SFT2D1: variants seen among roughly 807,000 people sequenced by gnomAD.
The protein encoded by SFT2D1 is vesicle transport protein SFT2A.
In SFT2D1, 24 loss-of-function variants were observed where a neutral mutation model predicts 28.1. The ratio of observed to expected loss-of-function variants is 0.85; its 90% CI spans 0.62 to 1.20. The LOEUF (loss-of-function observed/expected upper bound fraction) is 1.20, where lower values mean the gene tolerates loss of function less well. SFT2D1 is among the 50% of genes most tolerant of loss of function. The probability of loss-of-function intolerance (pLI) is 0.00; values close to 1 mark genes in which losing one functional copy is unlikely to be tolerated. For synonymous variants in SFT2D1, 82 were observed against 73.7 expected, an observed-to-expected ratio of 1.11 and a Z score of -0.58; for missense variants, 181 against 190.9, an observed-to-expected ratio of 0.95 and a Z score of 0.31.
intron 1 of SFT2D1, among the ~76,000 whole-genome samples, chr6:166,333,807 T>A (rs1346946328): frequency 6.6e-6 from 1 of 152,186 alleles, no homozygotes; most frequent in Non-Finnish European, 1.5e-5. Context: ...CTCCACTTCC[T>A]GCCCCACACT....
chr6:166,342,523 GC>G lies in SFT2D1; in HGVS notation c.-43del. 6.8e-7 allele frequency: 1 copy of G among 1,479,508 alleles called. No individual in the cohort carries two copies. The highest frequency in any genetic ancestry group is 9.2e-7 in the Non-Finnish European group (1 of 1,086,192). 91.6% of individuals were successfully genotyped at this position (1,479,508 alleles called of 1,614,324 possible). ...CGTAGCGGCCGCCACTCTGTTGCCT[GC>G]CCCTGACGCCCACCAGGAAACCCCG... On this transcript the variant is annotated 5_prime_UTR_variant, in exon 1 of 8. Coordinates refer to ENST00000361731, the MANE Select transcript of SFT2D1 (RefSeq NM_145169.3).
rs114051462 is a variant in SFT2D1 at position 166,324,512 on chromosome 6, T to C, written c.410+25A>G. On this transcript the variant is annotated intron_variant, in intron 6 of 7. Coordinates refer to ENST00000361731, the MANE Select transcript of SFT2D1 (RefSeq NM_145169.3). Reference sequence around the variant, plus strand: ...GTCACGTCTCAGGCAATTTTAACACTTCACTAGGGTAAGGAAAGACTTACC... The same window carrying C: ...GTCACGTCTCAGGCAATTTTAACACCTCACTAGGGTAAGGAAAGACTTACC... 1,231 of 1,600,868 alleles carry C rather than the reference T, an allele frequency of 7.7e-4. 7 individuals carry two copies. In the African/African-American group the frequency reaches 0.012, roughly 15 times the overall value.
intron 7 of SFT2D1, 31 bp downstream of exon 7, chr6:166,322,826 C>A: frequency 1.3e-6 from 2 of 1,582,888 alleles, no homozygotes; most frequent in Non-Finnish European, 1.7e-6. Context: ...AGTAAAGAAC[C>A]AGAAAGAAGA....
At chr6:166,324,128 A>C (rs1224979249) in intron 6 of SFT2D1, 2 of 160,776 alleles carry the variant, frequency 1.2e-5, no homozygotes, top group African/African-American at 4.8e-5. Context: ...ACAGGGCCAC[A>C]GAGTCAACAT....
chr6:166,334,964 A>C, intron 1 of SFT2D1: 1 of 470,468 alleles, frequency 2.1e-6, no homozygotes, highest in East Asian at 4.9e-5. Context: ...GTATGGAAAA[A>C]CTGAAGTGAC....
chr6:166,330,642 C>T (rs1304065986), intron 1 of SFT2D1, among the ~76,000 whole-genome samples: 1 of 152,210 alleles, frequency 6.6e-6, no homozygotes, highest in African/African-American at 2.4e-5. Flanking sequence ...AAAGAGTACA[C>T]AGGTTCATTA....
intron 1 of SFT2D1, among the ~76,000 whole-genome samples, chr6:166,341,204 G>C (rs1778772697): frequency 6.6e-6 from 1 of 152,100 alleles, no homozygotes; most frequent in Non-Finnish European, 1.5e-5. Flanking sequence ...CAAGCACTTT[G>C]GGAGGTCAAG....
chr6:166,329,774 G>C (rs1404761530), intron 2 of SFT2D1, among the ~76,000 whole-genome samples, 185 bp from the exon 3 acceptor site: 1 of 152,120 alleles, frequency 6.6e-6, no homozygotes, highest in Non-Finnish European at 1.5e-5. Context: ...ACACTAACTT[G>C]AATCTTCTTC....
chr6:166,329,497 C>G lies in SFT2D1; in HGVS notation c.233+10G>C. The G allele has an allele frequency of 6.2e-7, 1 of 1,600,700 alleles. No homozygotes were observed. Among genetic ancestry groups the G allele is most frequent in the South Asian group, 1.1e-5 (1 of 88,974 alleles). ...AGAGCAAACAAGATATTTTGAGAAG[C>G]CAAACGTACCTGGCTAACGCAGCAA... On this transcript the variant is annotated intron_variant, in intron 3 of 7. Coordinates refer to ENST00000361731, the MANE Select transcript of SFT2D1 (RefSeq NM_145169.3).
intron 3 of SFT2D1, 51 bp downstream of exon 3, chr6:166,329,456 G>C (rs1778509530): frequency 6.6e-7 from 1 of 1,512,232 alleles, no homozygotes; most frequent in South Asian, 1.2e-5. Flanking sequence ...TTATTAGAAA[G>C]GTAAATTTGG....
Position 166,327,016 on chromosome 6 carries a change from A to G in SFT2D1, c.316-849T>C, listed in dbSNP as rs564975146. ...AAATTCAAAATAATTGGAGATTATA[A>G]AAGTGGTAAGAAACTATGAAGTTGA... On this transcript the variant is annotated intron_variant, in intron 4 of 7. Transcript: ENST00000361731. 3.3e-5 allele frequency among the ~76,000 whole-genome samples: 5 copies of G among 152,384 alleles called. No homozygotes were observed. The East Asian group carries it at 7.7e-4, about 23-fold the overall frequency.
intron 2 of SFT2D1, 21 bp downstream of exon 2, chr6:166,330,137 AAAC>A (rs2114901308): frequency 6.7e-7 from 1 of 1,499,732 alleles, no homozygotes; most frequent in East Asian, 2.4e-5. Flanking sequence ...AAAAATTATT[AAAC>A]AATATAAAGC....
intron 1 of SFT2D1, among the ~76,000 whole-genome samples, chr6:166,330,459 T>C (rs1242717555): frequency 1.3e-5 from 2 of 152,224 alleles, no homozygotes; most frequent in Non-Finnish European, 2.9e-5. Flanking sequence ...ACCATTAATT[T>C]TGCAAAGTCT....
At chr6:166,332,559 C>A (rs1778571203) in intron 1 of SFT2D1, among the ~76,000 whole-genome samples, 1 of 152,230 alleles carries the variant, frequency 6.6e-6, no homozygotes, top group Admixed American at 6.5e-5. Context: ...CTGCACCCAG[C>A]CTGCTTATCA....
rs1444286917 is a variant in SFT2D1, at chr6:166,339,795, C to T, written c.63+2624G>A. On this transcript the variant is annotated intron_variant, in intron 1 of 7. Coordinates refer to ENST00000361731, the MANE Select transcript of SFT2D1 (RefSeq NM_145169.3). ...TCAGCTGTCTTTGCCGGCTTCTGCTCATCCTCTAAACTTCTACACACCTAG... is the reference window on the plus strand; with the variant it reads ...TCAGCTGTCTTTGCCGGCTTCTGCTTATCCTCTAAACTTCTACACACCTAG... Among the ~76,000 whole-genome samples, 5 of 152,194 alleles carry T rather than the reference C, an allele frequency of 3.3e-5. No individual in the cohort carries two copies. The South Asian group carries it at 8.3e-4, about 25-fold the overall frequency.
chr6:166,338,201 C>T (rs1440107069), intron 1 of SFT2D1, among the ~76,000 whole-genome samples: 3 of 152,192 alleles, frequency 2.0e-5, no homozygotes, highest in East Asian at 1.9e-4. Flanking sequence ...CACAAGAGAA[C>T]TCTGTAGAAT....
chr6:166,335,541 G>A (rs2114909592), intron 1 of SFT2D1: 1 of 442,186 alleles, frequency 2.3e-6, no homozygotes, highest in Non-Finnish European at 4.3e-6. Flanking sequence ...CATGGCACTG[G>A]CAGAAGATTT....
intron 2 of SFT2D1, among the ~76,000 whole-genome samples, 174 bp downstream of exon 2, chr6:166,329,987 A>T (rs1778520518): frequency 6.6e-6 from 1 of 152,182 alleles, no homozygotes. Flanking sequence ...TCCCCAAAAT[A>T]CTAATTTCTA....
chr6:166,335,535 G>A, intron 1 of SFT2D1: 1 of 448,690 alleles, frequency 2.2e-6, no homozygotes, highest in East Asian at 5.2e-5. Flanking sequence ...AGTAGCCATG[G>A]CACTGGCAGA....
Sources: gnomAD v4.1 joint callset for allele counts (sites outside exome capture counted in the v4.1 genomes callset) on GRCh38, gnomAD v4.1.1 for gene constraint, MANE v1.5 for transcripts, NCBI Gene and HGNC (gene_info 2026-07-23, HGNC 2026-07-21) for gene names.